The following UBE2G2 variants were observed in gnomAD, a reference collection of about 807,000 sequenced individuals.
UBE2G2 encodes ubiquitin conjugating enzyme E2 G2.
Under a neutral mutation model 23.0 loss-of-function variants are expected in UBE2G2, and 10 were observed. That is an observed-to-expected ratio of 0.43 (90% CI 0.27 to 0.74). The LOEUF is 0.74. Among genes scored for constraint, UBE2G2 ranks in the 30% least tolerant of loss-of-function variants. UBE2G2 has a pLI of 0.19. For missense variants in UBE2G2, 150 were observed against 218.3 expected (o/e 0.69, Z 1.97); for synonymous variants, 86 against 81.3 (o/e 1.06, Z -0.31).
rs1353857558 is a variant in UBE2G2 at position 44,801,762 on chromosome 21, C to G, written c.-14G>C. The G allele has an allele frequency of 6.6e-7, 1 of 1,515,840 alleles. No homozygotes were observed. The highest frequency in any genetic ancestry group is 8.8e-7 in the Non-Finnish European group (1 of 1,134,392). 93.9% of individuals were successfully genotyped at this position (1,515,840 alleles called of 1,614,324 possible). On this transcript the variant is annotated 5_prime_UTR_variant, in exon 1 of 6. Coordinates refer to ENST00000345496, the MANE Select transcript of UBE2G2 (RefSeq NM_003343.6). ...GGTCCCCGCCATGGCCCCGCAACAG[C>G]TGCGCCGAGCGACCTCGCCTCAGCC...
intron 1 of UBE2G2, among the ~76,000 whole-genome samples, chr21:44,793,159 C>G (rs62220109): frequency 0.27 from 41,553 of 152,146 alleles, 6,096 homozygotes; most frequent in South Asian, 0.42. Flanking sequence ...AAAAAAATAA[C>G]AGATTACGGC....
At chr21:44,787,009 T>C (rs2083001229) in intron 3 of UBE2G2, among the ~76,000 whole-genome samples, 1 of 151,718 alleles carries the variant, frequency 6.6e-6, no homozygotes, top group East Asian at 1.9e-4. Flanking sequence ...GGAGAATCGC[T>C]TGAACCCAAG....
intron 3 of UBE2G2, among the ~76,000 whole-genome samples, chr21:44,786,849 T>C (rs1601189225): frequency 6.6e-6 from 1 of 152,218 alleles, no homozygotes; most frequent in South Asian, 2.1e-4. Context: ...CCCAGCACTC[T>C]GGGAGGCCAA....
At chr21:44,775,151 T>G (rs1268438679) in intron 4 of UBE2G2, 2 of 155,300 alleles carry the variant, frequency 1.3e-5, no homozygotes, top group Admixed American at 1.3e-4. Context: ...CCAAAAGGCC[T>G]GAGGTAGTTT....
At chr21:44,788,276 A>G (rs1212938532) in intron 1 of UBE2G2, among the ~76,000 whole-genome samples, 181 bp from the exon 2 acceptor site, 1 of 150,496 alleles carries the variant, frequency 6.6e-6, no homozygotes, top group Non-Finnish European at 1.5e-5. Context: ...ACAACTACAC[A>G]AAGTTTTTTT....
chr21:44,769,313 A>G lies in UBE2G2; in HGVS notation c.*2064T>C, dbSNP rs1555959480. 1.3e-5 allele frequency: 2 copies of G among 151,684 alleles called. No individual in the cohort carries two copies. The highest frequency in any genetic ancestry group is 2.4e-5 in the African/African-American group (1 of 41,296). The allele number at this position is 151,684 out of a possible 1,614,324, so 9.4% of individuals were successfully genotyped here. A position where few individuals can be genotyped will look rare whatever the true frequency, so the allele number is the denominator to read the frequency against. ...TCCATCTCATTTGCCTGCAAATACA[A>G]CATAGGTATAATACCGCTCCTTTCC... is the stretch of plus-strand genomic sequence containing the variant. On this transcript the variant is annotated 3_prime_UTR_variant, in exon 6 of 6. Transcript: ENST00000345496.
chr21:44,790,684 C>A (rs920062745), intron 1 of UBE2G2, among the ~76,000 whole-genome samples: 4 of 152,202 alleles, frequency 2.6e-5, no homozygotes, highest in Admixed American at 2.6e-4. Context: ...TGATAAGTTT[C>A]CTGAGGCCTC....
chr21:44,801,214 C>T, intron 1 of UBE2G2: 1 of 609,170 alleles, frequency 1.6e-6, no homozygotes, highest in Non-Finnish European at 2.1e-6. Flanking sequence ...TCAACACTAC[C>T]TAGGAGGAGT....
chr21:44,786,525 C>T (rs35209090), intron 3 of UBE2G2, among the ~76,000 whole-genome samples: 41,061 of 152,084 alleles, frequency 0.27, 5,982 homozygotes, highest in South Asian at 0.4. Context: ...TTTTGTTTAT[C>T]CAAAATACTA....
chr21:44,801,348 C>T (rs1276306327), intron 1 of UBE2G2: 1 of 1,105,098 alleles, frequency 9.0e-7, no homozygotes, highest in Admixed American at 5.2e-5. Flanking sequence ...CCTAATTCCG[C>T]AGCAGCAAGT....
At chr21:44,801,101 C>T (rs2083132853) in intron 1 of UBE2G2, 1 of 156,582 alleles carries the variant, frequency 6.4e-6, no homozygotes, top group Admixed American at 6.5e-5. Context: ...CGGTGTAAAA[C>T]GATGGAATGC....
chr21:44,801,577 AG>A, intron 1 of UBE2G2, 128 bp downstream of exon 1: 1 of 1,290,524 alleles, frequency 7.7e-7, no homozygotes, highest in Non-Finnish European at 1.0e-6. Flanking sequence ...CGGGACCCAC[AG>A]GGGGGCTCAC....
intron 3 of UBE2G2, among the ~76,000 whole-genome samples, chr21:44,783,247 T>G (rs941013822): frequency 6.6e-6 from 1 of 152,198 alleles, no homozygotes; most frequent in African/African-American, 2.4e-5. Context: ...CAAGAACAGC[T>G]GTTATCAGAC....
At chr21:44,790,997 G>A (rs1555962872) in intron 1 of UBE2G2, among the ~76,000 whole-genome samples, 2 of 152,158 alleles carry the variant, frequency 1.3e-5, no homozygotes, top group African/African-American at 4.8e-5. Context: ...CCAGGCTGAG[G>A]TGGTCTGAAA....
intron 3 of UBE2G2, among the ~76,000 whole-genome samples, chr21:44,786,333 G>A (rs1164575674): frequency 1.3e-5 from 2 of 152,146 alleles, no homozygotes; most frequent in African/African-American, 4.8e-5. Flanking sequence ...CAGACTGTGG[G>A]ACTCGCCATC....
intron 1 of UBE2G2, among the ~76,000 whole-genome samples, chr21:44,790,912 G>A (rs566224029): frequency 6.6e-6 from 1 of 152,344 alleles, no homozygotes; most frequent in East Asian, 1.9e-4. Context: ...GGAAGATGTG[G>A]GAAAGTCTGG....
intron 1 of UBE2G2, among the ~76,000 whole-genome samples, chr21:44,793,350 C>T (rs1324554562): frequency 6.6e-6 from 1 of 152,176 alleles, no homozygotes; most frequent in African/African-American, 2.4e-5. Flanking sequence ...TCCCCTTTGG[C>T]ACTCCCCTGC....
At chr21:44,781,624 C>A (rs1555961346) in intron 3 of UBE2G2, among the ~76,000 whole-genome samples, 1 of 152,172 alleles carries the variant, frequency 6.6e-6, no homozygotes, top group Non-Finnish European at 1.5e-5. Flanking sequence ...AAGTGCCTTC[C>A]TGCACTTTCC....
intron 4 of UBE2G2, chr21:44,773,943 T>C (rs1569292901): frequency 2.6e-6 from 1 of 382,076 alleles, no homozygotes. Flanking sequence ...TAATCCACTT[T>C]CATATGAATT....
Sources: gnomAD v4.1 joint callset for allele counts (sites outside exome capture counted in the v4.1 genomes callset) on GRCh38, gnomAD v4.1.1 for gene constraint, MANE v1.5 for transcripts, NCBI Gene and HGNC (gene_info 2026-07-23, HGNC 2026-07-21) for gene names.